Variants in ENPP2 observed in about 807,000 individuals in gnomAD.
The protein encoded by ENPP2 is ectonucleotide pyrophosphatase/phosphodiesterase 2.
A neutral mutation model predicts 120.2 loss-of-function variants in ENPP2; 51 were observed. The ratio of observed to expected loss-of-function variants is 0.42; its 90% CI spans 0.34 to 0.54. The LOEUF (loss-of-function observed/expected upper bound fraction) is 0.54, where lower values mean the gene tolerates loss of function less well. Among genes scored for constraint, ENPP2 ranks in the 20% least tolerant of loss-of-function variants. The pLI is 0.04. For synonymous variants in ENPP2, 365 were observed against 366.4 expected (o/e 1.00, Z 0.04); for missense variants, 920 against 1,066.5 (o/e 0.86, Z 1.91).
At chr8:119,651,865 A>G (rs1040449836) in intron 1 of ENPP2, among the ~76,000 whole-genome samples, 1 of 152,206 alleles carries the variant, frequency 6.6e-6, no homozygotes, top group Non-Finnish European at 1.5e-5. Context: ...CCAAATTCAA[A>G]TAATAGTGGT....
chr8:119,631,271 C>T (rs868745852), intron 2 of ENPP2, among the ~76,000 whole-genome samples: 4 of 120,828 alleles, frequency 3.3e-5, no homozygotes, highest in Non-Finnish European at 6.3e-5. Flanking sequence ...GGCTGGAGTG[C>T]AGTGGCGCAA....
At chr8:119,561,408 G>A (rs1313550715) in intron 24 of ENPP2, among the ~76,000 whole-genome samples, 3 of 152,194 alleles carry the variant, frequency 2.0e-5, no homozygotes, top group Non-Finnish European at 4.4e-5. Context: ...TTAGGAATTT[G>A]AGTAGTACTT....
intron 15 of ENPP2, among the ~76,000 whole-genome samples, chr8:119,585,411 G>GT (rs1232399309): frequency 8.5e-5 from 13 of 152,142 alleles, no homozygotes; most frequent in African/African-American, 3.1e-4. Context: ...TAGAACTTGA[G>GT]TTTCTAAATA....
chr8:119,570,404 A>G (rs976967260), intron 20 of ENPP2, among the ~76,000 whole-genome samples: 1 of 152,162 alleles, frequency 6.6e-6, no homozygotes, highest in African/African-American at 2.4e-5. Flanking sequence ...TATAAAGTCT[A>G]TTAAAATAAA....
At chr8:119,632,306 AAC>A (rs985538775) in intron 2 of ENPP2, among the ~76,000 whole-genome samples, 12 of 152,210 alleles carry the variant, frequency 7.9e-5, no homozygotes, top group Non-Finnish European at 1.6e-4. Flanking sequence ...AACTAAAACA[AAC>A]AAAAAGTACT....
intron 1 of ENPP2, among the ~76,000 whole-genome samples, chr8:119,644,099 A>G (rs1380479654): frequency 6.6e-6 from 1 of 152,074 alleles, no homozygotes; most frequent in Non-Finnish European, 1.5e-5. Context: ...GTTAGGTGAT[A>G]TTGTCTTTAC....
intron 9 of ENPP2, among the ~76,000 whole-genome samples, chr8:119,606,483 A>T (rs1290478581): frequency 6.6e-6 from 1 of 152,178 alleles, no homozygotes; most frequent in Admixed American, 6.5e-5. Flanking sequence ...ATGAGCGTCT[A>T]TGACAGTCAA....
chr8:119,667,272 A>G (rs930803358), intron 1 of ENPP2, among the ~76,000 whole-genome samples: 1 of 152,196 alleles, frequency 6.6e-6, no homozygotes, highest in African/African-American at 2.4e-5. Context: ...GGCTAACCAT[A>G]TTCCTGCCTC....
At chr8:119,644,823 C>G (rs1019561732) in intron 1 of ENPP2, among the ~76,000 whole-genome samples, 2 of 151,712 alleles carry the variant, frequency 1.3e-5, no homozygotes, top group African/African-American at 4.8e-5. Flanking sequence ...CTCAATGTAA[C>G]TATTTCTTTT....
chr8:119,638,690 A>T, intron 1 of ENPP2, 58 bp downstream of exon 1: 1 of 1,169,054 alleles, frequency 8.6e-7, no homozygotes, highest in Non-Finnish European at 1.3e-6. Context: ...GGAAAATGCC[A>T]ATCAGTCACT....
At chr8:119,587,272 C>A (rs780616573) in intron 13 of ENPP2, among the ~76,000 whole-genome samples, 197 bp from the exon 14 acceptor site, 2 of 152,140 alleles carry the variant, frequency 1.3e-5, no homozygotes, top group Non-Finnish European at 2.9e-5. Context: ...GCAAGTGGAA[C>A]AAATCCTATA....
intron 1 of ENPP2, among the ~76,000 whole-genome samples, chr8:119,653,978 T>A (rs988037958): frequency 6.8e-6 from 1 of 147,386 alleles, no homozygotes; most frequent in East Asian, 1.9e-4. Flanking sequence ...TACATATTAT[T>A]ATATATCTAT....
At chr8:119,595,327 C>T (rs1177467663) in intron 11 of ENPP2, among the ~76,000 whole-genome samples, 4 of 152,162 alleles carry the variant, frequency 2.6e-5, no homozygotes, top group Non-Finnish European at 5.9e-5. Context: ...GTAGACATTA[C>T]TTGTGGAAAT....
chr8:119,662,314 T>G (rs539018324), intron 1 of ENPP2, among the ~76,000 whole-genome samples: 1 of 152,202 alleles, frequency 6.6e-6, no homozygotes, highest in East Asian at 1.9e-4. Context: ...AATGTTTTAT[T>G]TGTCAATTAA....
chr8:119,601,522 G>A, intron 9 of ENPP2, 60 bp from the exon 10 acceptor site: 1 of 1,299,720 alleles, frequency 7.7e-7, no homozygotes, highest in South Asian at 1.2e-5. Context: ...ACTCAAGCCT[G>A]AGGAGTGCTC....
Position 119,626,640 on chromosome 8 carries a change from C to T in ENPP2, c.217G>A (p.Asp73Asn), listed in dbSNP as rs750384283. 9 of 1,614,078 alleles carry T rather than the reference C, an allele frequency of 5.6e-6. No individual in the cohort carries two copies. In the South Asian group the frequency reaches 9.9e-5, roughly 18 times the overall value. ...CFELQEAGPP[D>N]CRCDNLCKSY... is the part of the protein sequence containing the mutation. ...TTACACAAGTTGTCACAGCGACAATCAGGAGGTCCAGCCTCTTGAAGTTCA... is the reference window on the plus strand; with the variant it reads ...TTACACAAGTTGTCACAGCGACAATTAGGAGGTCCAGCCTCTTGAAGTTCA... Residue 73 changes from aspartate (D) to asparagine (N), a missense_variant, in exon 3 of 25, where the codon GAT becomes AAT. By Grantham distance (23) the Asp-to-Asn change is conservative. Transcript: ENST00000075322.
chr8:119,594,848 C>T (rs1436781358), intron 11 of ENPP2, among the ~76,000 whole-genome samples: 4 of 152,182 alleles, frequency 2.6e-5, no homozygotes, highest in African/African-American at 9.6e-5. Flanking sequence ...CATTTTTACT[C>T]GGACACATAA....
chr8:119,638,006 C>T lies in ENPP2; in HGVS notation c.136+419G>A, dbSNP rs201607228. ...GAAGTTTCATAAAGATAGCTCACTG[C>T]CTTTTTTACTTCCATTCCTTTTTCC... On this transcript the variant is annotated intron_variant, in intron 2 of 24. Transcript: ENST00000075322. 7.9e-5 allele frequency among the ~76,000 whole-genome samples: 12 copies of T among 152,298 alleles called. No individual in the cohort carries two copies. The East Asian group carries it at 2.1e-3, about 27-fold the overall frequency.
rs1436124343 is a variant in ENPP2, at chr8:119,593,753, A to G, written c.1080T>C (p.His360=). 5 of 1,581,148 alleles carry G rather than the reference A, an allele frequency of 3.2e-6. No homozygotes were observed. Among genetic ancestry groups the G allele is most frequent in the African/African-American group, 1.3e-5 (1 of 74,284 alleles). ...AGCAAAGAAAAAACAAAGCTTTACC[A>G]TGGTCTCCGACAAAGATGACGTTGA... ...RCVNVIFVGD[H]GMEDVTCDRT... Residue 360 remains histidine, a splice_region_variant and synonymous_variant, in exon 12 of 25, where the codon CAT becomes CAC. Coordinates refer to ENST00000075322, the MANE Select transcript of ENPP2 (RefSeq NM_001040092.3).
Sources: allele counts gnomAD v4.1 joint callset (sites outside exome capture counted in the v4.1 genomes callset), GRCh38; gene constraint gnomAD v4.1.1; transcripts MANE v1.5; gene names NCBI Gene and HGNC (gene_info 2026-07-23, HGNC 2026-07-21).